ALG6: variants seen among roughly 807,000 people sequenced by gnomAD.
ALG6 encodes the protein dolichyl pyrophosphate Man9GlcNAc2 alpha-1,3-glucosyltransferase.
A neutral mutation model predicts 66.6 loss-of-function variants in ALG6; 46 were observed. The observed-to-expected ratio is 0.69, with a 90% CI of 0.55 to 0.88. ALG6 has a LOEUF of 0.88. Ranked by LOEUF, ALG6 falls within the 40% of genes least tolerant of loss-of-function variation. ALG6 has a pLI of 0.00. For synonymous variants in ALG6, 185 were observed against 203.7 expected (o/e 0.91, Z 0.78); for missense variants, 505 against 586.8 (o/e 0.86, Z 1.44).
intron 14 of ALG6, among the ~76,000 whole-genome samples, chr1:63,430,009 A>G (rs1488460546): frequency 1.3e-5 from 2 of 152,032 alleles, no homozygotes; most frequent in Non-Finnish European, 2.9e-5. Flanking sequence ...CAGCCTCCCT[A>G]GTAGCTGGAA....
At chr1:63,380,239 A>G (rs565528708) in intron 2 of ALG6, among the ~76,000 whole-genome samples, 1 of 152,294 alleles carries the variant, frequency 6.6e-6, no homozygotes, top group East Asian at 1.9e-4. Flanking sequence ...AAAATAGACA[A>G]GGGATCTATA....
intron 14 of ALG6, among the ~76,000 whole-genome samples, chr1:63,432,258 G>GT (rs139890401): frequency 0.51 from 76,243 of 149,394 alleles, 19,896 homozygotes; most frequent in East Asian, 0.68. Flanking sequence ...TTGGTCATGT[G>GT]TGTTTTTTTT....
intron 5 of ALG6, 139 bp downstream of exon 5, chr1:63,404,680 T>C: frequency 2.7e-6 from 2 of 730,378 alleles, no homozygotes; most frequent in Non-Finnish European, 4.8e-6. Context: ...ATATACATAT[T>C]TGTATACATG....
chr1:63,396,350 C>T (rs1648825314), intron 2 of ALG6, among the ~76,000 whole-genome samples, 163 bp from the exon 3 acceptor site: 1 of 152,074 alleles, frequency 6.6e-6, no homozygotes, highest in Non-Finnish European at 1.5e-5. Context: ...AGTGTGCCAG[C>T]AGTGCTAGAT....
intron 3 of ALG6, among the ~76,000 whole-genome samples, chr1:63,398,710 C>T (rs1312979887): frequency 6.6e-5 from 10 of 152,046 alleles, no homozygotes; most frequent in South Asian, 2.1e-4. Flanking sequence ...CTCCTGACCT[C>T]GTGATCCGCC....
intron 3 of ALG6, among the ~76,000 whole-genome samples, chr1:63,396,899 A>G (rs1648840681): frequency 6.6e-6 from 1 of 152,166 alleles, no homozygotes; most frequent in Non-Finnish European, 1.5e-5. Flanking sequence ...GGCTAAAAAC[A>G]TTTCTTCCCT....
intron 12 of ALG6, among the ~76,000 whole-genome samples, chr1:63,422,356 TATAA>T (rs1644587988): frequency 7.4e-5 from 6 of 81,114 alleles, no homozygotes; most frequent in African/African-American, 1.7e-4. Context: ...TATATATCTA[TATAA>T]ATATAAATAT....
At chr1:63,382,922 C>T (rs573782425) in intron 2 of ALG6, among the ~76,000 whole-genome samples, 300 of 152,138 alleles carry the variant, frequency 2.0e-3, no homozygotes, top group African/African-American at 7.0e-3. Flanking sequence ...ATGATCCGCC[C>T]GTCTCGGCCT....
At chr1:63,415,222 T>A (rs756396536) in intron 10 of ALG6, among the ~76,000 whole-genome samples, 7 of 151,124 alleles carry the variant, frequency 4.6e-5, no homozygotes, top group Non-Finnish European at 8.9e-5. Context: ...AAAAATCAGT[T>A]ATTGTATTAG....
Position 63,412,037 on chromosome 1 carries a change from C to T in ALG6, c.792C>T (p.Phe264=), listed in dbSNP as rs1393381865. 1.9e-6 allele frequency: 3 copies of T among 1,614,094 alleles called. No individual in the cohort carries two copies. Among genetic ancestry groups the T allele is most frequent in the South Asian group, 2.2e-5 (2 of 91,084 alleles). ...EQTLQVLRRL[F]PVDRGLFEDK... Reference sequence around the variant, plus strand: ...CCCTGCAGGTTCTAAGAAGACTCTTCCCGGTTGATCGTGGATTATTTGAGG... The same window carrying T: ...CCCTGCAGGTTCTAAGAAGACTCTTTCCGGTTGATCGTGGATTATTTGAGG... The change falls in exon 9 of 15, where the codon TTC becomes TTT. Residue 264 remains phenylalanine, a synonymous_variant. Transcript: ENST00000263440.
At chr1:63,375,279 C>T (rs985532776) in intron 2 of ALG6, among the ~76,000 whole-genome samples, 1 of 151,668 alleles carries the variant, frequency 6.6e-6, no homozygotes, top group Non-Finnish European at 1.5e-5. Flanking sequence ...GAGTCTTGCT[C>T]TGTTGCCCAG....
chr1:63,435,004 A>ATT (rs1644670249), intron 14 of ALG6, among the ~76,000 whole-genome samples: 1 of 152,206 alleles, frequency 6.6e-6, no homozygotes, highest in South Asian at 2.1e-4. Context: ...AATGCTAATG[A>ATT]GAGAATCAAG....
intron 2 of ALG6, among the ~76,000 whole-genome samples, chr1:63,372,745 C>T (rs577085810): frequency 1.6e-4 from 25 of 152,072 alleles, no homozygotes; most frequent in South Asian, 1.5e-3. Context: ...CTGTAATCTC[C>T]GCCTCCCAGT....
chr1:63,382,518 AGGCT>A (rs751034863), intron 2 of ALG6, among the ~76,000 whole-genome samples: 5 of 152,240 alleles, frequency 3.3e-5, no homozygotes, highest in Admixed American at 6.5e-5. Context: ...TCTGTCACCC[AGGCT>A]GGAGTGCAGT....
chr1:63,432,281 T>A (rs71643677), intron 14 of ALG6, among the ~76,000 whole-genome samples: 1 of 152,174 alleles, frequency 6.6e-6, no homozygotes, highest in Non-Finnish European at 1.5e-5. Flanking sequence ...TTTATTCTAT[T>A]ATATGACATA....
chr1:63,408,878 C>T (rs1435884447), intron 7 of ALG6, among the ~76,000 whole-genome samples: 1 of 152,318 alleles, frequency 6.6e-6, no homozygotes, highest in East Asian at 1.9e-4. Context: ...CTCCTGGGTT[C>T]AAACGATACT....
rs1397452203 is a variant in ALG6, at chr1:63,411,335, A to G, written c.680+4A>G. ...AAAAAGGCCTCAAAGGAAAGGGGTG[A>G]GTGACTTTTAAACACTAGAATCCAA... On this transcript the variant is annotated splice_donor_region_variant and intron_variant, in intron 8 of 14. Coordinates refer to ENST00000263440, the MANE Select transcript of ALG6 (RefSeq NM_013339.4). 1 of 1,612,966 alleles carries G rather than the reference A, an allele frequency of 6.2e-7. No individual in the cohort carries two copies. The highest frequency in any genetic ancestry group is 8.5e-7 in the Non-Finnish European group (1 of 1,179,610).
intron 4 of ALG6, among the ~76,000 whole-genome samples, chr1:63,402,831 T>A (rs1570061050): frequency 6.8e-6 from 1 of 147,792 alleles, no homozygotes; most frequent in African/African-American, 2.5e-5. Context: ...GAGTGGTGGC[T>A]CACGCCTGTA....
chr1:63,373,657 CAT>C (rs766320924), intron 2 of ALG6, among the ~76,000 whole-genome samples: 29 of 114,808 alleles, frequency 2.5e-4, no homozygotes, highest in African/African-American at 5.6e-4. Context: ...ATTTAATTTA[CAT>C]TTTTTTTTTT....
Sources: gnomAD v4.1 joint callset for allele counts (sites outside exome capture counted in the v4.1 genomes callset) on GRCh38, gnomAD v4.1.1 for gene constraint, MANE v1.5 for transcripts, NCBI Gene and HGNC (gene_info 2026-07-23, HGNC 2026-07-21) for gene names.